MSI2: variants seen among roughly 807,000 people sequenced by gnomAD.
MSI2 encodes RNA-binding protein Musashi homolog 2.
Under a neutral mutation model 45.6 loss-of-function variants are expected in MSI2, and 17 were observed. The observed-to-expected ratio is 0.37, with a 90% CI of 0.26 to 0.56. The LOEUF is 0.56. MSI2 is among the 20% of genes least tolerant of loss of function. The pLI is 0.77. For missense variants in MSI2, 293 were observed against 444.2 expected (o/e 0.66, Z 3.06); for synonymous variants, 156 against 158.2 (o/e 0.99, Z 0.11).
At chr17:57,698,853 T>C in the MSI2 span, among the ~76,000 whole-genome samples, 1 of 151,754 alleles carries the variant, frequency 6.6e-6, no homozygotes, top group Non-Finnish European at 1.5e-5. Context: ...ATTGTTCTCT[T>C]CAGTTTCTTG....
intron 5 of MSI2, among the ~76,000 whole-genome samples, chr17:57,312,437 TCCCTGGGGCCCGGGTTGGGATGCCTC>T (rs1912474726): frequency 6.6e-6 from 1 of 152,148 alleles, no homozygotes; most frequent in African/African-American, 2.4e-5. Flanking sequence ...GGCTGCAGGC[TCCCTGGGGCCCGGGTTGGGATGCCTC>T]CCCTGGGGAG....
At chr17:57,669,517 A>G (rs17657368) in intron 11 of MSI2, among the ~76,000 whole-genome samples, 7,536 of 152,326 alleles carry the variant, frequency 0.049, 258 homozygotes, top group Middle Eastern at 0.11. Flanking sequence ...TCCTACGACT[A>G]TGGAGTTTTA....
intron 5 of MSI2, among the ~76,000 whole-genome samples, chr17:57,386,580 G>C (rs2083689494): frequency 6.6e-6 from 1 of 151,064 alleles, no homozygotes; most frequent in Non-Finnish European, 1.5e-5. Flanking sequence ...TCTAGAGGGT[G>C]CATTGACCAC....
At chr17:57,258,976 A>G (rs919578865) in intron 4 of MSI2, among the ~76,000 whole-genome samples, 1 of 151,812 alleles carries the variant, frequency 6.6e-6, no homozygotes, top group Non-Finnish European at 1.5e-5. Context: ...TCTTTCTCAG[A>G]TCCTTTCATT....
chr17:57,355,171 C>G (rs1000982505), intron 5 of MSI2, among the ~76,000 whole-genome samples: 2 of 152,182 alleles, frequency 1.3e-5, no homozygotes, highest in Non-Finnish European at 2.9e-5. Context: ...CTCCTCTCTC[C>G]TTTTCTCTGT....
chr17:57,397,550 C>G (rs2083913282), intron 5 of MSI2, among the ~76,000 whole-genome samples: 1 of 152,232 alleles, frequency 6.6e-6, no homozygotes, highest in African/African-American at 2.4e-5. Flanking sequence ...CCCCTTCCTG[C>G]CCTCCTCAGT....
chr17:57,649,148 T>G (rs1030879072), intron 10 of MSI2, among the ~76,000 whole-genome samples: 1 of 152,126 alleles, frequency 6.6e-6, no homozygotes, highest in Non-Finnish European at 1.5e-5. Flanking sequence ...ACAACACACA[T>G]GTACTCAACA....
chr17:57,692,279 A>G, the MSI2 span, among the ~76,000 whole-genome samples: 1 of 152,158 alleles, frequency 6.6e-6, no homozygotes, highest in Admixed American at 6.5e-5. Context: ...GTTTGTGTCT[A>G]TGTTAATTTG....
Position 57,510,412 on chromosome 17 carries a change from G to T in MSI2, c.406-19264G>T, listed in dbSNP as rs199521475. 7.8e-3 allele frequency among the ~76,000 whole-genome samples: 1,108 copies of T among 141,346 alleles called. 28 individuals carry two copies. Among genetic ancestry groups the T allele is most frequent in the African/African-American group, 0.026 (1,008 of 38,892 alleles). The allele number at this position is 141,346 out of a possible 152,430, so 92.7% of individuals were successfully genotyped here. A position where few individuals can be genotyped will look rare whatever the true frequency, so the allele number is the denominator to read the frequency against. On this transcript the variant is annotated intron_variant, in intron 6 of 13. Coordinates refer to ENST00000284073, the MANE Select transcript of MSI2 (RefSeq NM_138962.4). Reference sequence around the variant, plus strand: ...TTGCACTCCTCTTGTTTTTTTTTTTGTTTGTTTGTTTGTTTTGTCTTTTGT... The same window carrying T: ...TTGCACTCCTCTTGTTTTTTTTTTTTTTTGTTTGTTTGTTTTGTCTTTTGT...
intron 5 of MSI2, among the ~76,000 whole-genome samples, chr17:57,310,322 T>C (rs975420362): frequency 7.4e-5 from 11 of 149,458 alleles, no homozygotes; most frequent in Non-Finnish European, 2.9e-5. Context: ...GCTGGACCCC[T>C]GAAGGTTGTG....
chr17:57,543,133 C>T (rs1328986739), intron 7 of MSI2, among the ~76,000 whole-genome samples: 2 of 152,152 alleles, frequency 1.3e-5, no homozygotes, highest in African/African-American at 4.8e-5. Flanking sequence ...GTGCAGGAGC[C>T]CTGTCTGGAG....
At chr17:57,526,284 T>C (rs1025590609) in intron 6 of MSI2, among the ~76,000 whole-genome samples, 1 of 152,024 alleles carries the variant, frequency 6.6e-6, no homozygotes, top group East Asian at 1.9e-4. Context: ...TTTTGGGCTC[T>C]CCTAGCATCT....
intron 10 of MSI2, among the ~76,000 whole-genome samples, chr17:57,645,843 G>A (rs1427028730): frequency 6.6e-6 from 1 of 152,186 alleles, no homozygotes; most frequent in Non-Finnish European, 1.5e-5. Flanking sequence ...TGGGTCCAGT[G>A]AGCAACCAGG....
chr17:57,476,345 G>A (rs988465963), intron 6 of MSI2, among the ~76,000 whole-genome samples: 2 of 152,208 alleles, frequency 1.3e-5, no homozygotes, highest in African/African-American at 4.8e-5. Context: ...AGCCTGGATG[G>A]AGGTTGGGGG....
At position 57,432,070 on chromosome 17, in the gene MSI2, G is replaced by A. The variant is rs926712920; in HGVS notation, c.405+30599G>A. Among the ~76,000 whole-genome samples the A allele has an allele frequency of 2.6e-5, 4 of 152,166 alleles. No individual in the cohort carries two copies. In the South Asian group the frequency reaches 6.2e-4, roughly 24 times the overall value. On this transcript the variant is annotated intron_variant, in intron 6 of 13. Coordinates refer to ENST00000284073, the MANE Select transcript of MSI2 (RefSeq NM_138962.4). ...TTTAATTGTAACTATTAATCACGCC[G>A]AGTTGTGTCGCACTTCATAACCCTT...
intron 8 of MSI2, among the ~76,000 whole-genome samples, chr17:57,598,973 A>AT (rs1458641262): frequency 6.6e-6 from 1 of 152,166 alleles, no homozygotes; most frequent in East Asian, 1.9e-4. Context: ...AGTACTAGCT[A>AT]TTTTTAAAAA....
chr17:57,340,526 T>C (rs537085094), intron 5 of MSI2, among the ~76,000 whole-genome samples: 2 of 152,244 alleles, frequency 1.3e-5, no homozygotes, highest in East Asian at 3.9e-4. Flanking sequence ...TAGAGGGGCA[T>C]TGATGTTCTG....
chr17:57,686,683 A>G (rs558225185), downstream of MSI2, among the ~76,000 whole-genome samples: 2 of 152,358 alleles, frequency 1.3e-5, no homozygotes, highest in South Asian at 4.1e-4. Context: ...GACAAAAGAC[A>G]CAATCTATTA....
At chr17:57,531,850 T>C (rs1718924500) in intron 7 of MSI2, 1 of 152,208 alleles carries the variant, frequency 6.6e-6, no homozygotes, top group Non-Finnish European at 1.5e-5. Context: ...AAAAGTCCTC[T>C]CTTATTTTTA....
Sources: allele counts gnomAD v4.1 joint callset (sites outside exome capture counted in the v4.1 genomes callset), GRCh38; gene constraint gnomAD v4.1.1; transcripts MANE v1.5; gene names NCBI Gene and HGNC (gene_info 2026-07-23, HGNC 2026-07-21).